TENT5C: variants seen among roughly 807,000 people sequenced by gnomAD.
TENT5C encodes the protein terminal nucleotidyltransferase 5C.
A neutral mutation model predicts 22.2 loss-of-function variants in TENT5C; 5 were observed. The observed-to-expected ratio is 0.22, with a 90% confidence interval of 0.12 to 0.47. The LOEUF (loss-of-function observed/expected upper bound fraction) is 0.47, where lower values mean the gene tolerates loss of function less well. TENT5C is among the 20% of genes least tolerant of loss of function. The pLI is 0.99. For synonymous variants in TENT5C, 199 were observed against 195.4 expected (o/e 1.02, Z -0.15); for missense variants, 364 against 500.9 (o/e 0.73, Z 2.61).
intron 1 of TENT5C, among the ~76,000 whole-genome samples, chr1:117,622,121 G>A (rs150658913): frequency 5.2e-4 from 79 of 152,280 alleles, no homozygotes; most frequent in Non-Finnish European, 8.7e-4. Context: ...TCGAAATTTT[G>A]TCATAAAAAC....
At position 117,623,801 on chromosome 1, in the gene TENT5C, C is replaced by G; in HGVS notation, c.933C>G (p.Arg311=). 6.2e-7 allele frequency: 1 copy of G among 1,614,154 alleles called. No homozygotes were observed. The highest frequency in any genetic ancestry group is 8.5e-7 in the Non-Finnish European group (1 of 1,180,032). Residue 311 remains arginine, a synonymous_variant, in exon 2 of 2, where the codon CGC becomes CGG. Transcript: ENST00000369448. ...RSKYDYLMIL[R]RVVNESTVCL... is the part of the protein sequence containing the mutation. ...AGTACGACTACCTCATGATCCTTCG[C>G]AGGGTGGTGAACGAGAGCACCGTGT...
rs1653949457 is a variant in TENT5C at position 117,623,785 on chromosome 1, A to G, written c.917A>G (p.Tyr306Cys). The G allele has an allele frequency of 6.2e-7, 1 of 1,614,110 alleles. No individual in the cohort carries two copies. The highest frequency in any genetic ancestry group is 8.5e-7 in the Non-Finnish European group (1 of 1,180,024). ...FAEEERSKYD[Y>C]LMILRRVVNE... ...GAAGAAGAGAGAAGCAAGTACGACT[A>G]CCTCATGATCCTTCGCAGGGTGGTG... The change falls in exon 2 of 2, where the codon TAC (tyrosine) becomes TGC (cysteine). Residue 306 changes from tyrosine (Y) to cysteine (C), a missense_variant. Physicochemically the swap from Tyr to Cys is radical, Grantham distance 194. This residue lies in a region of TENT5C where 303 missense variants were observed against 394.5 expected (regional missense o/e 0.77). Coordinates refer to ENST00000369448, the MANE Select transcript of TENT5C (RefSeq NM_017709.4).
chr1:117,626,473 A>G lies in TENT5C; in HGVS notation c.*2429A>G, dbSNP rs1193793148. 4.0e-6 allele frequency: 1 copy of G among 247,836 alleles called. No individual in the cohort carries two copies. The highest frequency in any genetic ancestry group is 2.2e-5 in the African/African-American group (1 of 45,326). 15.4% of individuals were successfully genotyped at this position (247,836 alleles called of 1,614,324 possible). Reference sequence around the variant, plus strand: ...TTGAGAATAGACCTATTCAAGAGCTATCAGGGTTAAAAGCTGCACTGACCA... The same window carrying G: ...TTGAGAATAGACCTATTCAAGAGCTGTCAGGGTTAAAAGCTGCACTGACCA... On this transcript the variant is annotated 3_prime_UTR_variant, in exon 2 of 2. Transcript: ENST00000369448.
At position 117,623,984 on chromosome 1, in the gene TENT5C, C is replaced by T. The variant is rs764893539; in HGVS notation, c.1116C>T (p.Tyr372=). ...YVSDGNFSNY[Y]VAHPPVTYSQ... is the part of the protein sequence containing the mutation. ...GTGATGGCAACTTCAGCAACTACTA[C>T]GTTGCCCATCCTCCAGTCACCTACA... The change falls in exon 2 of 2, where the codon TAC becomes TAT. Residue 372 remains tyrosine, a synonymous_variant. Transcript: ENST00000369448. 59 of 1,613,916 alleles carry T rather than the reference C, an allele frequency of 3.7e-5. 1 individual carries two copies. The South Asian group carries it at 3.7e-4, about 10-fold the overall frequency.
At chr1:117,606,355 A>T (rs990231148) in intron 1 of TENT5C, among the ~76,000 whole-genome samples, 1 of 148,196 alleles carries the variant, frequency 6.7e-6, no homozygotes, top group Admixed American at 6.7e-5. Flanking sequence ...TCCCTCGAGG[A>T]CCCCCGCCCC....
chr1:117,606,276 T>A (rs1308334396), intron 1 of TENT5C, 123 bp downstream of exon 1: 1 of 151,540 alleles, frequency 6.6e-6, no homozygotes, highest in African/African-American at 2.4e-5. Context: ...CCCAGCCTGG[T>A]AGGGGGCAGG....
intron 1 of TENT5C, among the ~76,000 whole-genome samples, chr1:117,617,972 C>G (rs902249763): frequency 1.3e-5 from 2 of 152,206 alleles, no homozygotes; most frequent in Non-Finnish European, 2.9e-5. Flanking sequence ...TTATGCTCTT[C>G]CAATGAGCTA....
chr1:117,625,267 A>C lies in TENT5C; in HGVS notation c.*1223A>C, dbSNP rs1381076054. The stretch of plus-strand genomic sequence containing the variant: ...AGGGGAAGCTGGGGGGTTAGCATGA[A>C]GTCTGGCCTTGTGTGCATTGGAGCT... On this transcript the variant is annotated 3_prime_UTR_variant, in exon 2 of 2. Coordinates refer to ENST00000369448, the MANE Select transcript of TENT5C (RefSeq NM_017709.4). 8.1e-6 allele frequency: 2 copies of C among 248,044 alleles called. No homozygotes were observed. The highest frequency in any genetic ancestry group is 1.1e-4 in the Admixed American group (2 of 17,776). The allele number at this position is 248,044 out of a possible 1,614,324, so 15.4% of individuals were successfully genotyped here. A position where few individuals can be genotyped will look rare whatever the true frequency, so the allele number is the denominator to read the frequency against.
chr1:117,615,153 C>A (rs556059653), intron 1 of TENT5C, among the ~76,000 whole-genome samples: 1 of 152,232 alleles, frequency 6.6e-6, no homozygotes. Context: ...GTGGCCTTAG[C>A]GGTCTAGCCA....
At chr1:117,621,917 T>C (rs1653902643) in intron 1 of TENT5C, among the ~76,000 whole-genome samples, 2 of 152,238 alleles carry the variant, frequency 1.3e-5, no homozygotes, top group South Asian at 4.1e-4. Flanking sequence ...TTTGTGGTCC[T>C]AGCAGATGAA....
chr1:117,621,171 T>TCCAC (rs1653886757), intron 1 of TENT5C, among the ~76,000 whole-genome samples: 1 of 152,254 alleles, frequency 6.6e-6, no homozygotes, highest in East Asian at 1.9e-4. Flanking sequence ...TGTCTTCCCC[T>TCCAC]CCACGAGTAC....
chr1:117,615,982 T>G (rs1653773858), intron 1 of TENT5C, among the ~76,000 whole-genome samples: 1 of 152,190 alleles, frequency 6.6e-6, no homozygotes, highest in African/African-American at 2.4e-5. Context: ...AAAGATCACT[T>G]TAATGGCTAT....
chr1:117,607,446 A>G (rs1558004146), intron 1 of TENT5C, among the ~76,000 whole-genome samples: 1 of 152,264 alleles, frequency 6.6e-6, no homozygotes, highest in Non-Finnish European at 1.5e-5. Context: ...TTTTATAAAT[A>G]CTATGTGCAT....
chr1:117,612,783 T>A (rs967241995), intron 1 of TENT5C, among the ~76,000 whole-genome samples: 1 of 152,216 alleles, frequency 6.6e-6, no homozygotes, highest in African/African-American at 2.4e-5. Context: ...AAGGGTGGCA[T>A]TTGAGGAACT....
chr1:117,627,325 CTAACCCCTTACCCT>C lies in TENT5C; in HGVS notation c.*3284_*3297del, dbSNP rs1654034123. 4.0e-6 allele frequency: 1 copy of C among 248,100 alleles called. No homozygotes were observed. The highest frequency in any genetic ancestry group is 2.2e-5 in the African/African-American group (1 of 45,370). The allele number at this position is 248,100 out of a possible 1,614,324, so 15.4% of individuals were successfully genotyped here. A position where few individuals can be genotyped will look rare whatever the true frequency, so the allele number is the denominator to read the frequency against. On this transcript the variant is annotated 3_prime_UTR_variant, in exon 2 of 2. Transcript: ENST00000369448. ...CTTATTCTTCAGCTTCACCTCTGCACTAACCCCTTACCCTTATGGTACGTCAGGATTTTAACTAG... is the reference window on the plus strand; with the variant it reads ...CTTATTCTTCAGCTTCACCTCTGCACTATGGTACGTCAGGATTTTAACTAG...
chr1:117,611,116 C>T (rs953794903), intron 1 of TENT5C, among the ~76,000 whole-genome samples: 2 of 152,162 alleles, frequency 1.3e-5, no homozygotes, highest in East Asian at 3.8e-4. Flanking sequence ...CTCTGCTCGT[C>T]GTAGTTAGAG....
rs951255775 is a variant in TENT5C, at chr1:117,626,791, G to T, written c.*2747G>T. The T allele has an allele frequency of 1.2e-5, 3 of 248,034 alleles. No homozygotes were observed. Among genetic ancestry groups the T allele is most frequent in the African/African-American group, 6.6e-5 (3 of 45,344 alleles). The allele number at this position is 248,034 out of a possible 1,614,324, so 15.4% of individuals were successfully genotyped here. On this transcript the variant is annotated 3_prime_UTR_variant, in exon 2 of 2. Coordinates refer to ENST00000369448, the MANE Select transcript of TENT5C (RefSeq NM_017709.4). The stretch of plus-strand genomic sequence containing the variant: ...GCAAGTTCTAATCTAAAGTTAAGCA[G>T]TCTCTTATTTGTTTCGGGACTCTGA...
chr1:117,624,097 C>A lies in TENT5C; in HGVS notation c.*53C>A. ...GGAACCCCAATAGGGCTAGGGCTCTCAGGTAGGGGAGCCTCCTTCTAGATG... is the reference window on the plus strand; with the variant it reads ...GGAACCCCAATAGGGCTAGGGCTCTAAGGTAGGGGAGCCTCCTTCTAGATG... On this transcript the variant is annotated 3_prime_UTR_variant, in exon 2 of 2. Transcript: ENST00000369448. The A allele has an allele frequency of 2.0e-6, 3 of 1,466,000 alleles. No individual in the cohort carries two copies. The highest frequency in any genetic ancestry group is 2.4e-5 in the East Asian group (1 of 42,302). The allele number at this position is 1,466,000 out of a possible 1,614,324, so 90.8% of individuals were successfully genotyped here.
In TENT5C at chr1:117,623,735, G is replaced by T; in HGVS notation, c.867G>T (p.Glu289Asp). Reference protein sequence around the residue: ...PDILEQQRKLETYLQNHFAEE... With the variant: ...PDILEQQRKLDTYLQNHFAEE... ...TCCTTGAACAGCAGAGGAAGTTGGAGACTTACCTTCAAAACCACTTCGCTG... is the reference window on the plus strand; with the variant it reads ...TCCTTGAACAGCAGAGGAAGTTGGATACTTACCTTCAAAACCACTTCGCTG... The change falls in exon 2 of 2, where the codon GAG becomes GAT. Residue 289 changes from glutamate (E) to aspartate (D), a missense_variant. Glu to Asp is a conservative substitution (Grantham distance 45). Transcript: ENST00000369448. The T allele has an allele frequency of 6.2e-7, 1 of 1,614,170 alleles. No individual in the cohort carries two copies. Among genetic ancestry groups the T allele is most frequent in the Non-Finnish European group, 8.5e-7 (1 of 1,180,030 alleles).
Sources: gnomAD v4.1 joint callset for allele counts (sites outside exome capture counted in the v4.1 genomes callset) on GRCh38, gnomAD v4.1.1 for gene constraint, gnomAD v4.1.1 regional missense constraint, MANE v1.5 for transcripts, NCBI Gene and HGNC (gene_info 2026-07-23, HGNC 2026-07-21) for gene names.